NEDD9: variants seen among roughly 807,000 people sequenced by gnomAD.
NEDD9 encodes the protein neural precursor cell expressed, developmentally down-regulated 9.
Under a neutral mutation model 76.6 loss-of-function variants are expected in NEDD9, and 26 were observed. That is an observed-to-expected ratio of 0.34 (90% confidence interval 0.25 to 0.47). NEDD9 has a LOEUF of 0.47. Among genes scored for constraint, NEDD9 ranks in the 20% least tolerant of loss-of-function variants. The pLI, the probability that NEDD9 is intolerant of heterozygous loss-of-function variation, is 1.00. For synonymous variants in NEDD9, 392 were observed against 414.2 expected, an observed-to-expected ratio of 0.95 and a Z score of 0.65; for missense variants, 937 against 1,058.5, an observed-to-expected ratio of 0.89 and a Z score of 1.59.
chr6:11,276,038 T>C (rs1179089637), intron 3 of NEDD9, among the ~76,000 whole-genome samples: 1 of 152,238 alleles, frequency 6.6e-6, no homozygotes, highest in East Asian at 1.9e-4. Flanking sequence ...CATTAGATAC[T>C]GATGGATCAA....
At chr6:11,339,907 C>T (rs561734094) in intron 1 of NEDD9, among the ~76,000 whole-genome samples, 34 of 152,298 alleles carry the variant, frequency 2.2e-4, no homozygotes, top group African/African-American at 7.0e-4. Flanking sequence ...TTCAGCTGTA[C>T]GGTAATGATA....
intron 1 of NEDD9, among the ~76,000 whole-genome samples, chr6:11,348,503 G>A (rs1762405039): frequency 6.6e-6 from 1 of 152,262 alleles, no homozygotes; most frequent in South Asian, 2.1e-4. Flanking sequence ...AACAAAGCGG[G>A]AGGTAACACA....
chr6:11,358,417 G>A (rs896207417), intron 1 of NEDD9, among the ~76,000 whole-genome samples: 2 of 152,162 alleles, frequency 1.3e-5, no homozygotes, highest in Non-Finnish European at 2.9e-5. Context: ...TGTGTGCCCT[G>A]GAAAGTTCTG....
At chr6:11,234,931 C>T (rs1482918541), upstream of NEDD9, among the ~76,000 whole-genome samples, 1 of 152,024 alleles carries the variant, frequency 6.6e-6, no homozygotes, top group Non-Finnish European at 1.5e-5. Flanking sequence ...AGGCTGGTCT[C>T]GAACTCCTGA....
chr6:11,361,155 A>C (rs1406201963), intron 1 of NEDD9, among the ~76,000 whole-genome samples: 1 of 152,204 alleles, frequency 6.6e-6, no homozygotes, highest in African/African-American at 2.4e-5. Flanking sequence ...AAAGGTGCTA[A>C]AGGACAGCTG....
intron 1 of NEDD9, among the ~76,000 whole-genome samples, chr6:11,350,171 C>T (rs143535416): frequency 6.6e-6 from 1 of 152,116 alleles, no homozygotes; most frequent in Admixed American, 6.5e-5. Context: ...AAAAAAGGTA[C>T]ATATATATCT....
chr6:11,358,412 G>A (rs1420724706), intron 1 of NEDD9, among the ~76,000 whole-genome samples: 5 of 152,212 alleles, frequency 3.3e-5, no homozygotes, highest in African/African-American at 1.2e-4. Context: ...GGCCATGTGT[G>A]CCCTGGAAAG....
At position 11,327,411 on chromosome 6, in the gene NEDD9, C is replaced by T. The variant is rs145427730; in HGVS notation, c.-153+7090G>A. 2.0e-3 allele frequency among the ~76,000 whole-genome samples: 300 copies of T among 152,312 alleles called. 5 individuals are homozygous for T. Among genetic ancestry groups the T allele is most frequent in the African/African-American group, 5.2e-3 (215 of 41,560 alleles). ...TCATACAGTTTTAGGCAAAAGAAAA[C>T]TTGACATTTTAATACACCTGTGAGT... On this transcript the variant is annotated intron_variant, in intron 2 of 3. Transcript: ENST00000397378.
chr6:11,193,717 G>A (rs775850929), intron 2 of NEDD9, 25 bp from the exon 3 acceptor site: 21 of 1,570,746 alleles, frequency 1.3e-5, no homozygotes, highest in South Asian at 1.1e-4. Context: ...GCACAGAGGT[G>A]TAAATTTCCA....
At chr6:11,317,452 A>C (rs1761605444) in intron 2 of NEDD9, among the ~76,000 whole-genome samples, 1 of 151,886 alleles carries the variant, frequency 6.6e-6, no homozygotes, top group Admixed American at 6.6e-5. Flanking sequence ...ATAGATAGGA[A>C]GATGGTAGGA....
intron 1 of NEDD9, among the ~76,000 whole-genome samples, chr6:11,354,499 C>T (rs1421229509): frequency 1.3e-5 from 2 of 152,168 alleles, no homozygotes; most frequent in South Asian, 2.1e-4. Context: ...GAAAATAGTA[C>T]CTAGATCTCA....
chr6:11,286,109 T>C (rs1170892197), intron 3 of NEDD9, among the ~76,000 whole-genome samples: 1 of 152,194 alleles, frequency 6.6e-6, no homozygotes, highest in African/African-American at 2.4e-5. Flanking sequence ...AAAGTAATTG[T>C]AGCCAGAATA....
intron 2 of NEDD9, among the ~76,000 whole-genome samples, chr6:11,326,981 G>A (rs2113488462): frequency 1.3e-5 from 2 of 152,198 alleles, no homozygotes; most frequent in East Asian, 3.8e-4. Flanking sequence ...GGGATGAATT[G>A]GCAGTTGGAG....
intron 3 of NEDD9, among the ~76,000 whole-genome samples, chr6:11,247,825 C>CA (rs1759838437): frequency 6.6e-6 from 1 of 151,762 alleles, no homozygotes; most frequent in Non-Finnish European, 1.5e-5. Context: ...TGATAACAGC[C>CA]AAAAAATGGT....
In NEDD9 at chr6:11,190,574, G is replaced by A. The variant is rs774424238; in HGVS notation, c.1295C>T (p.Thr432Ile). The change falls in exon 5 of 7, where the codon ACT (threonine) becomes ATT (isoleucine). Residue 432 changes from threonine (T) to isoleucine (I), a missense_variant. Physicochemically the swap from Thr to Ile is moderately conservative, Grantham distance 89. Coordinates refer to ENST00000379446, the MANE Select transcript of NEDD9 (RefSeq NM_006403.4). This position sits in a 1 kb window ranked among gnomAD's most constrained non-coding sequence, Gnocchi z 5.8. ...ATATCCGTAACACCGCCAGTCGGTAGTGACCAGTGCCATTAGGCTGGAGAC... is the reference window on the plus strand; with the variant it reads ...ATATCCGTAACACCGCCAGTCGGTAATGACCAGTGCCATTAGGCTGGAGAC... ...MGVSSLMALV[T>I]TDWRCYGYME... is the part of the protein sequence containing the mutation. 12 of 1,614,124 alleles carry A rather than the reference G, an allele frequency of 7.4e-6. No individual in the cohort carries two copies. Among genetic ancestry groups the A allele is most frequent in the Admixed American group, 3.3e-5 (2 of 60,010 alleles).
chr6:11,270,077 C>G (rs541060109), intron 3 of NEDD9, among the ~76,000 whole-genome samples: 1 of 152,070 alleles, frequency 6.6e-6, no homozygotes, highest in Non-Finnish European at 1.5e-5. Flanking sequence ...TGCAGTGAGC[C>G]GAGATCGCAT....
chr6:11,300,223 T>C (rs1437033229), intron 3 of NEDD9, among the ~76,000 whole-genome samples: 2 of 152,218 alleles, frequency 1.3e-5, no homozygotes, highest in East Asian at 3.9e-4. Flanking sequence ...ATGCACAAGA[T>C]TCAATAGCCT....
At chr6:11,224,047 AT>A (rs1334248232) in intron 1 of NEDD9, among the ~76,000 whole-genome samples, 2 of 152,112 alleles carry the variant, frequency 1.3e-5, no homozygotes, top group African/African-American at 4.8e-5. Flanking sequence ...CATATGTCCC[AT>A]TTTTTTGGTT....
chr6:11,304,640 G>A (rs1191431040), intron 3 of NEDD9, among the ~76,000 whole-genome samples: 2 of 152,212 alleles, frequency 1.3e-5, no homozygotes, highest in Non-Finnish European at 1.5e-5. Context: ...AAAAGGATGA[G>A]TTCATGTCCT....
Sources: gnomAD v4.1 joint callset for allele counts (sites outside exome capture counted in the v4.1 genomes callset) on GRCh38, gnomAD v4.1.1 for gene constraint, Gnocchi (gnomAD v3.1) non-coding constraint, MANE v1.5 for transcripts, NCBI Gene and HGNC (gene_info 2026-07-23, HGNC 2026-07-21) for gene names.